Variants in PCYOX1L observed in about 807,000 individuals in gnomAD.
PCYOX1L encodes the protein prenylcysteine oxidase 1 like.
PCYOX1L carries 40 observed loss-of-function variants against 44.1 expected under a neutral mutation model. The ratio of observed to expected loss-of-function variants is 0.91; its 90% CI spans 0.70 to 1.18. The LOEUF (loss-of-function observed/expected upper bound fraction) is 1.18. PCYOX1L is among the 50% of genes most tolerant of loss of function. PCYOX1L has a pLI of 0.00. For synonymous variants in PCYOX1L, 266 were observed against 282.8 expected, an observed-to-expected ratio of 0.94 and a Z score of 0.60; for missense variants, 605 against 653.3, an observed-to-expected ratio of 0.93 and a Z score of 0.81.
intron 3 of PCYOX1L, chr5:149,365,287 G>A (rs1758160291): frequency 6.6e-6 from 1 of 152,198 alleles, no homozygotes; most frequent in Non-Finnish European, 1.5e-5. Flanking sequence ...TCAACTTTCT[G>A]GACACCTCCA....
At chr5:149,367,582 C>A in intron 5 of PCYOX1L, 82 bp downstream of exon 5, 1 of 1,561,694 alleles carries the variant, frequency 6.4e-7, no homozygotes, top group South Asian at 1.2e-5. Flanking sequence ...TACCTCAGCC[C>A]TGGTCTGTGA....
Position 149,367,426 on chromosome 5 carries a change from GT to G in PCYOX1L, c.751del (p.Ser251ProfsTer4). 1 of 1,613,966 alleles carries G rather than the reference GT, an allele frequency of 6.2e-7. No individual in the cohort carries two copies. On this transcript the variant is annotated frameshift_variant, in exon 5 of 6. Transcript: ENST00000274569. LOFTEE classifies it high-confidence loss of function. ...WSVEGGNKLV[C>X]SGLLKLTKAN... ...GTGGAAGGAGGCAATAAGCTGGTTTGTTCCGGTTTGCTGAAGCTCACCAAGG... is the reference window on the plus strand; with the variant it reads ...GTGGAAGGAGGCAATAAGCTGGTTTGTCCGGTTTGCTGAAGCTCACCAAGG...
At chr5:149,361,424 A>G (rs147695273) in intron 1 of PCYOX1L, among the ~76,000 whole-genome samples, 1 of 152,186 alleles carries the variant, frequency 6.6e-6, no homozygotes, top group Non-Finnish European at 1.5e-5. Context: ...CAGCACCTCC[A>G]AGCCCTGTCC....
chr5:149,366,095 C>G lies in PCYOX1L; in HGVS notation c.624C>G (p.Val208=). Residue 208 remains valine, a synonymous_variant, in exon 4 of 6, where the codon GTC becomes GTG. Transcript: ENST00000274569. ...VGVTQRFIDD[V]VSAVLRASYG... is the part of the protein sequence containing the mutation. ...TCACGCAGCGCTTTATTGATGATGTCGTTTCTGCTGTCCTGCGGGCCAGCT... is the reference window on the plus strand; with the variant it reads ...TCACGCAGCGCTTTATTGATGATGTGGTTTCTGCTGTCCTGCGGGCCAGCT... 6.2e-7 allele frequency: 1 copy of G among 1,614,098 alleles called. No homozygotes were observed.
In PCYOX1L at chr5:149,368,828, G is replaced by A; in HGVS notation, c.*174G>A. ...TATATTAAGGGTCCACACGGCGGCT[G>A]CTGCTTTTTTTTAAGGGGGAAAGTA... On this transcript the variant is annotated 3_prime_UTR_variant, in exon 6 of 6. Transcript: ENST00000274569. 2.1e-6 allele frequency: 1 copy of A among 486,604 alleles called. No individual in the cohort carries two copies. The highest frequency in any genetic ancestry group is 3.3e-6 in the Non-Finnish European group (1 of 303,084). 30.1% of individuals were successfully genotyped at this position (486,604 alleles called of 1,614,324 possible). A position where few individuals can be genotyped will look rare whatever the true frequency, so the allele number is the denominator to read the frequency against.
Position 149,367,390 on chromosome 5 carries a change from G to A in PCYOX1L, c.713G>A (p.Ser238Asn). The change falls in exon 5 of 6, where the codon AGC (serine) becomes AAC (asparagine). Residue 238 changes from serine (S) to asparagine (N), a missense_variant. Coordinates refer to ENST00000274569, the MANE Select transcript of PCYOX1L (RefSeq NM_024028.4). Reference protein sequence around the residue: ...GAMSLAGAQGSLWSVEGGNKL... With the variant: ...GAMSLAGAQGNLWSVEGGNKL... ...ATGTCACTAGCCGGGGCCCAAGGCA[G>A]CCTGTGGTCTGTGGAAGGAGGCAAT... 3.1e-6 allele frequency: 5 copies of A among 1,612,958 alleles called. No individual in the cohort carries two copies. Among genetic ancestry groups the A allele is most frequent in the Non-Finnish European group, 4.2e-6 (5 of 1,179,640 alleles).
At position 149,367,538 on chromosome 5, in the gene PCYOX1L, C is replaced by T. The variant is rs747914525; in HGVS notation, c.823+38C>T. ...GGCGGGAGTGGGCAGGCATGCCATT[C>T]CCAGCCAGTGGACAGACACTTCTGC... On this transcript the variant is annotated intron_variant, in intron 5 of 5. Coordinates refer to ENST00000274569, the MANE Select transcript of PCYOX1L (RefSeq NM_024028.4). 9 of 1,606,530 alleles carry T rather than the reference C, an allele frequency of 5.6e-6. No homozygotes were observed. The Admixed American group carries it at 8.6e-5, about 15-fold the overall frequency.
chr5:149,364,203 T>C lies in PCYOX1L; in HGVS notation c.463T>C (p.Phe155Leu), dbSNP rs567961975. The C allele has an allele frequency of 1.5e-5, 24 of 1,613,920 alleles. No individual in the cohort carries two copies. Among genetic ancestry groups the C allele is most frequent in the African/African-American group, 5.3e-5 (4 of 75,032 alleles). The part of the protein sequence containing the change: ...QMWVEEVMEK[F>L]MRIYKYQAHG... Reference sequence around the variant, plus strand: ...GTGGGTGGAGGAGGTCATGGAGAAGTTCATGAGGTAGGGCTGGCAGAGCTG... The same window carrying C: ...GTGGGTGGAGGAGGTCATGGAGAAGCTCATGAGGTAGGGCTGGCAGAGCTG... The change falls in exon 3 of 6, where the codon TTC becomes CTC. Residue 155 changes from phenylalanine (F) to leucine (L), a missense_variant. Phe to Leu is a conservative substitution (Grantham distance 22, BLOSUM62 0). Transcript: ENST00000274569.
At chr5:149,364,614 A>T (rs1382653951) in intron 3 of PCYOX1L, 1 of 169,338 alleles carries the variant, frequency 5.9e-6, no homozygotes, top group Non-Finnish European at 1.3e-5. Context: ...TGCCCACCTC[A>T]TGTGGCTAGA....
At chr5:149,363,598 A>G (rs933123723) in intron 2 of PCYOX1L, 1 of 227,038 alleles carries the variant, frequency 4.4e-6, no homozygotes, top group Admixed American at 5.1e-5. Flanking sequence ...TGTGTGTAGT[A>G]TGTGGGGGTG....
At chr5:149,367,092 T>C (rs1332909307) in intron 4 of PCYOX1L, among the ~76,000 whole-genome samples, 1 of 152,198 alleles carries the variant, frequency 6.6e-6, no homozygotes, top group East Asian at 1.9e-4. Flanking sequence ...TTTCTGTTTC[T>C]GTGGATTTGC....
chr5:149,362,972 G>A (rs777607268), intron 2 of PCYOX1L, 129 bp downstream of exon 2: 2 of 1,060,074 alleles, frequency 1.9e-6, no homozygotes, highest in Non-Finnish European at 2.8e-6. Flanking sequence ...TACAGATGGA[G>A]CAACAGAAAC....
At chr5:149,358,312 C>A (rs1757911737) in intron 1 of PCYOX1L, 156 bp downstream of exon 1, 1 of 1,182,902 alleles carries the variant, frequency 8.5e-7, no homozygotes, top group African/African-American at 1.6e-5. Context: ...GGGGACGCGG[C>A]AGGGAAGGTC....
At chr5:149,361,031 T>C (rs1327845392) in intron 1 of PCYOX1L, among the ~76,000 whole-genome samples, 1 of 152,218 alleles carries the variant, frequency 6.6e-6, no homozygotes, top group East Asian at 1.9e-4. Flanking sequence ...TTCAGATACA[T>C]GGTGAGCAAA....
chr5:149,367,910 T>A lies in PCYOX1L; in HGVS notation c.824-83T>A, dbSNP rs943947941. ...TGCACCCTGAGCACCAGGGTCTCGT[T>A]GTACCTCAATGCTGGACCCCAGTAG... On this transcript the variant is annotated intron_variant, in intron 5 of 5. Coordinates refer to ENST00000274569, the MANE Select transcript of PCYOX1L (RefSeq NM_024028.4). 62 of 1,420,508 alleles carry A rather than the reference T, an allele frequency of 4.4e-5. No homozygotes were observed. The African/African-American group carries it at 7.6e-4, about 17-fold the overall frequency. The allele number at this position is 1,420,508 out of a possible 1,614,324, so 88.0% of individuals were successfully genotyped here.
In PCYOX1L at chr5:149,367,428, TC is replaced by T; in HGVS notation, c.753del (p.Gly252ValfsTer3). On this transcript the variant is annotated frameshift_variant, in exon 5 of 6. Coordinates refer to ENST00000274569, the MANE Select transcript of PCYOX1L (RefSeq NM_024028.4). LOFTEE classifies it high-confidence loss of function. ...GGAAGGAGGCAATAAGCTGGTTTGT[TC>T]CGGTTTGCTGAAGCTCACCAAGGCC... ...SVEGGNKLVCSGLLKLTKANV... is the reference protein window; with the variant it reads ...SVEGGNKLVCXGLLKLTKANV... 2 of 1,613,932 alleles carry T rather than the reference TC, an allele frequency of 1.2e-6. No homozygotes were observed. Among genetic ancestry groups the T allele is most frequent in the Non-Finnish European group, 1.7e-6 (2 of 1,179,902 alleles).
chr5:149,362,663 T>C lies in PCYOX1L; in HGVS notation c.115T>C (p.Ser39Pro), dbSNP rs1287702569. The C allele has an allele frequency of 2.5e-6, 4 of 1,614,096 alleles. No individual in the cohort carries two copies. The highest frequency in any genetic ancestry group is 3.4e-6 in the Non-Finnish European group (4 of 1,180,054). ...GGTGGTTGGGGCTGGGATTGGGGGCTCTGCTGTGGCCCATTTTCTCCAGCA... is the reference window on the plus strand; with the variant it reads ...GGTGGTTGGGGCTGGGATTGGGGGCCCTGCTGTGGCCCATTTTCTCCAGCA... ...IAVVGAGIGG[S>P]AVAHFLQQHF... Residue 39 changes from serine to proline, a missense_variant, in exon 2 of 6, where the codon TCT becomes CCT. Transcript: ENST00000274569.
At chr5:149,367,238 A>C in intron 4 of PCYOX1L, 122 bp from the exon 5 acceptor site, 4 of 1,235,330 alleles carry the variant, frequency 3.2e-6, no homozygotes, top group Non-Finnish European at 4.4e-6. Context: ...CCATCTCCCC[A>C]TGCCCATGGT....
chr5:149,359,708 G>C (rs1400904486), intron 1 of PCYOX1L, among the ~76,000 whole-genome samples: 3 of 152,226 alleles, frequency 2.0e-5, no homozygotes, highest in African/African-American at 7.2e-5. Flanking sequence ...CTTCCTCCCA[G>C]CTGGCCCTTC....
Sources: allele counts gnomAD v4.1 joint callset (sites outside exome capture counted in the v4.1 genomes callset), GRCh38; gene constraint gnomAD v4.1.1; transcripts MANE v1.5; gene names NCBI Gene and HGNC (gene_info 2026-07-23, HGNC 2026-07-21).